Variants in SPECC1 observed in about 807,000 individuals in gnomAD.
SPECC1 encodes the protein cytospin-B.
In SPECC1, 62 loss-of-function variants were observed where a neutral mutation model predicts 104.1. The observed-to-expected ratio is 0.60, with a 90% CI of 0.49 to 0.74. SPECC1 has a LOEUF of 0.74. Among genes scored for constraint, SPECC1 ranks in the 30% least tolerant of loss-of-function variants. SPECC1 has a pLI of 0.00. For synonymous variants in SPECC1, 513 were observed against 501.6 expected, an observed-to-expected ratio of 1.02 and a Z score of -0.30; for missense variants, 1,306 against 1,310.5, an observed-to-expected ratio of 1.00 and a Z score of 0.05.
At chr17:20,301,108 G>T (rs2041562029) in intron 13 of SPECC1, among the ~76,000 whole-genome samples, 1 of 152,172 alleles carries the variant, frequency 6.6e-6, no homozygotes, top group Non-Finnish European at 1.5e-5. Context: ...TGCCCTGGGG[G>T]ATGCTGGCGT....
intron 1 of SPECC1, among the ~76,000 whole-genome samples, chr17:20,071,770 T>G (rs946145124): frequency 6.6e-6 from 1 of 152,188 alleles, no homozygotes; most frequent in African/African-American, 2.4e-5. Context: ...TACATACTTA[T>G]TTTAGAAAAT....
chr17:20,300,190 CACA>C (rs1486087914), intron 13 of SPECC1, among the ~76,000 whole-genome samples: 2 of 152,186 alleles, frequency 1.3e-5, no homozygotes, highest in Admixed American at 6.5e-5. Flanking sequence ...GACCGAGGAA[CACA>C]CCTGGGAACC....
intron 3 of SPECC1, among the ~76,000 whole-genome samples, chr17:20,155,179 G>C (rs901057182): frequency 6.6e-6 from 1 of 152,112 alleles, no homozygotes; most frequent in Non-Finnish European, 1.5e-5. Flanking sequence ...ACCAACAAAG[G>C]GGACTGGGAA....
chr17:20,091,357 A>G (rs2047392974), intron 1 of SPECC1, among the ~76,000 whole-genome samples: 1 of 152,174 alleles, frequency 6.6e-6, no homozygotes, highest in African/African-American at 2.4e-5. Context: ...GGCTAAGCAG[A>G]TATGTCATGT....
chr17:20,174,708 C>T (rs1309802808), intron 3 of SPECC1, among the ~76,000 whole-genome samples: 2 of 152,044 alleles, frequency 1.3e-5, no homozygotes, highest in African/African-American at 4.8e-5. Context: ...AAACACTCAC[C>T]GAGTATTTTC....
At chr17:20,021,691 TATATA>T (rs1567797495) in intron 1 of SPECC1, among the ~76,000 whole-genome samples, 17 of 122,422 alleles carry the variant, frequency 1.4e-4, no homozygotes, top group African/African-American at 5.3e-4. Context: ...ATAATATATA[TATATA>T]TATATATTTT....
intron 1 of SPECC1, among the ~76,000 whole-genome samples, chr17:20,039,993 A>T (rs2045256895): frequency 6.6e-6 from 1 of 152,120 alleles, no homozygotes; most frequent in South Asian, 2.1e-4. Context: ...TTATGTTTTT[A>T]AAAAATTTAG....
intron 9 of SPECC1, among the ~76,000 whole-genome samples, chr17:20,248,982 G>T (rs573106612): frequency 1.3e-5 from 2 of 152,228 alleles, no homozygotes; most frequent in African/African-American, 4.8e-5. Flanking sequence ...ATAGAAACAT[G>T]GGTTTGGATT....
intron 12 of SPECC1, among the ~76,000 whole-genome samples, chr17:20,265,743 G>A (rs1320613964): frequency 6.6e-6 from 1 of 152,158 alleles, no homozygotes; most frequent in Non-Finnish European, 1.5e-5. Context: ...ATTTAAATCT[G>A]TAATCCATTT....
At chr17:20,024,914 T>C (rs993896911) in intron 1 of SPECC1, among the ~76,000 whole-genome samples, 1 of 152,224 alleles carries the variant, frequency 6.6e-6, no homozygotes, top group African/African-American at 2.4e-5. Context: ...ATTAAATTCC[T>C]GCTATTGAAC....
intron 3 of SPECC1, among the ~76,000 whole-genome samples, chr17:20,182,887 G>A (rs193008843): frequency 3.9e-5 from 6 of 152,294 alleles, no homozygotes; most frequent in South Asian, 2.1e-4. Flanking sequence ...TGCAAAAGAC[G>A]TTGGAAGTGT....
At chr17:20,230,247 A>G (rs1017287969) in intron 5 of SPECC1, among the ~76,000 whole-genome samples, 2 of 152,206 alleles carry the variant, frequency 1.3e-5, no homozygotes, top group African/African-American at 2.4e-5. Context: ...TTTGGTGTGC[A>G]TGGCAACTCT....
intron 1 of SPECC1, among the ~76,000 whole-genome samples, chr17:20,047,958 T>G (rs1330058191): frequency 6.6e-6 from 1 of 152,166 alleles, no homozygotes; most frequent in Admixed American, 6.5e-5. Context: ...CTTCTTACCC[T>G]TCTTCACGTA....
At chr17:20,111,696 A>G in intron 3 of SPECC1, 1 of 605,790 alleles carries the variant, frequency 1.7e-6, no homozygotes, top group East Asian at 3.2e-5. Flanking sequence ...CCCCAAAAGC[A>G]GGAAGGTGGC....
chr17:20,226,395 C>G (rs1180096281), intron 4 of SPECC1, among the ~76,000 whole-genome samples: 1 of 151,968 alleles, frequency 6.6e-6, no homozygotes, highest in Non-Finnish European at 1.5e-5. Flanking sequence ...CAGTATAATC[C>G]ACTGCAAAAG....
At chr17:20,107,738 C>A (rs1311751642) in intron 2 of SPECC1, among the ~76,000 whole-genome samples, 3 of 152,116 alleles carry the variant, frequency 2.0e-5, no homozygotes, top group Non-Finnish European at 4.4e-5. Flanking sequence ...GTTGACAAGG[C>A]TTGTCTCAAA....
chr17:20,180,364 CA>C (rs1398879203), intron 3 of SPECC1, among the ~76,000 whole-genome samples: 1 of 152,076 alleles, frequency 6.6e-6, no homozygotes, highest in African/African-American at 2.4e-5. Flanking sequence ...GAGCAAGATG[CA>C]AGAACAAAAG....
chr17:20,051,735 G>A (rs2045784995), intron 1 of SPECC1, among the ~76,000 whole-genome samples: 1 of 152,128 alleles, frequency 6.6e-6, no homozygotes, highest in African/African-American at 2.4e-5. Context: ...CAATAAATAA[G>A]TTGTCAGGAT....
intron 12 of SPECC1, among the ~76,000 whole-genome samples, chr17:20,279,805 A>T (rs967951365): frequency 3.9e-5 from 6 of 152,230 alleles, no homozygotes; most frequent in Non-Finnish European, 8.8e-5. Flanking sequence ...GTTTTGGAAG[A>T]CATGAGGAAG....
Sources: allele counts gnomAD v4.1 joint callset (sites outside exome capture counted in the v4.1 genomes callset), GRCh38; gene constraint gnomAD v4.1.1; transcripts MANE v1.5; gene names NCBI Gene and HGNC (gene_info 2026-07-23, HGNC 2026-07-21).